Variants in FCHSD2 observed in about 807,000 individuals in gnomAD.
FCHSD2 encodes F-BAR and double SH3 domains protein 2.
Under a neutral mutation model 108.1 loss-of-function variants are expected in FCHSD2, and 38 were observed. That is an observed-to-expected ratio of 0.35 (90% CI 0.27 to 0.46). FCHSD2 has a LOEUF of 0.46. Ranked by LOEUF, FCHSD2 falls within the 20% of genes least tolerant of loss-of-function variation. The probability of loss-of-function intolerance (pLI) is 1.00; values close to 1 mark genes in which losing one functional copy is unlikely to be tolerated. For missense variants in FCHSD2, 751 were observed against 897.8 expected, an observed-to-expected ratio of 0.84 and a Z score of 2.09; for synonymous variants, 279 against 314.7, an observed-to-expected ratio of 0.89 and a Z score of 1.20.
At chr11:72,988,563 G>A (rs1439218643) in intron 6 of FCHSD2, among the ~76,000 whole-genome samples, 1 of 152,154 alleles carries the variant, frequency 6.6e-6, no homozygotes, top group African/African-American at 2.4e-5. Flanking sequence ...TGGACCTTCA[G>A]TGGCATCCTG....
chr11:72,902,766 G>A (rs1855552758), intron 9 of FCHSD2, 128 bp from the exon 10 acceptor site: 1 of 573,002 alleles, frequency 1.7e-6, no homozygotes, highest in East Asian at 3.0e-5. Context: ...TGGTAAAAAA[G>A]AAATGGTGTT....
chr11:73,116,469 A>G (rs1405766179), intron 2 of FCHSD2, among the ~76,000 whole-genome samples: 1 of 152,216 alleles, frequency 6.6e-6, no homozygotes, highest in Non-Finnish European at 1.5e-5. Flanking sequence ...CTGACTTGAT[A>G]AAACTTAATT....
At chr11:72,942,046 C>T (rs1177343721) in intron 8 of FCHSD2, among the ~76,000 whole-genome samples, 2 of 152,182 alleles carry the variant, frequency 1.3e-5, no homozygotes, top group Admixed American at 1.3e-4. Flanking sequence ...GTTTTGTCCC[C>T]TCAAAATCTC....
intron 14 of FCHSD2, among the ~76,000 whole-genome samples, chr11:72,845,465 C>G (rs1188102675): frequency 1.0e-5 from 1 of 98,922 alleles, no homozygotes; most frequent in African/African-American, 3.9e-5. Flanking sequence ...AAAAAAACAA[C>G]AACAAACAAA....
At chr11:73,085,111 T>C (rs1859785275) in intron 2 of FCHSD2, among the ~76,000 whole-genome samples, 1 of 152,222 alleles carries the variant, frequency 6.6e-6, no homozygotes, top group African/African-American at 2.4e-5. Context: ...TTTGAGTAAA[T>C]AATTTCTTAA....
intron 10 of FCHSD2, among the ~76,000 whole-genome samples, chr11:72,890,244 A>G (rs1222227172): frequency 6.6e-6 from 1 of 152,250 alleles, no homozygotes; most frequent in Non-Finnish European, 1.5e-5. Flanking sequence ...GTGGGAAGGA[A>G]GCTAGCTAAG....
intron 8 of FCHSD2, among the ~76,000 whole-genome samples, chr11:72,929,653 T>C (rs750485618): frequency 3.3e-5 from 5 of 152,190 alleles, no homozygotes; most frequent in Non-Finnish European, 4.4e-5. Flanking sequence ...TGTCTCAACA[T>C]GGTTTGTGAT....
intron 2 of FCHSD2, among the ~76,000 whole-genome samples, chr11:73,128,528 TA>T (rs370262297): frequency 5.3e-5 from 8 of 152,018 alleles, no homozygotes; most frequent in African/African-American, 1.9e-4. Context: ...TAATTTCTGG[TA>T]AAAAATTTCT....
Position 73,127,841 on chromosome 11 carries a change from CTTTGGGTTGGG to C in FCHSD2, c.119+12179_119+12189del, listed in dbSNP as rs560721700. ...AGTGGCTCAAGCTGTAATCCCAACACTTTGGGTTGGGGGGCGGGGGTGGGAATCACCTGAGG... is the reference window on the plus strand; with the variant it reads ...AGTGGCTCAAGCTGTAATCCCAACACGGGCGGGGGTGGGAATCACCTGAGG... On this transcript the variant is annotated intron_variant, in intron 2 of 19. Coordinates refer to ENST00000409418, the MANE Select transcript of FCHSD2 (RefSeq NM_014824.3). 2.8e-4 allele frequency among the ~76,000 whole-genome samples: 42 copies of C among 147,944 alleles called. No homozygotes were observed. In the South Asian group the frequency reaches 9.2e-3, roughly 32 times the overall value.
chr11:72,981,595 G>A (rs1462355093), intron 8 of FCHSD2, among the ~76,000 whole-genome samples: 2 of 152,164 alleles, frequency 1.3e-5, no homozygotes, highest in Admixed American at 1.3e-4. Flanking sequence ...CCTTAAGTGC[G>A]AGCTGTGCTA....
At chr11:73,101,551 C>A (rs1275129377) in intron 2 of FCHSD2, among the ~76,000 whole-genome samples, 2 of 152,072 alleles carry the variant, frequency 1.3e-5, no homozygotes, top group Non-Finnish European at 2.9e-5. Context: ...GATCCTCCCA[C>A]CTCAGCCTCC....
chr11:72,900,107 C>T, intron 10 of FCHSD2: 1 of 526,832 alleles, frequency 1.9e-6, no homozygotes, highest in Non-Finnish European at 3.3e-6. Flanking sequence ...GAAGGAAATT[C>T]TTAATTTATA....
At chr11:72,943,137 G>A (rs915641254) in intron 8 of FCHSD2, among the ~76,000 whole-genome samples, 1 of 152,016 alleles carries the variant, frequency 6.6e-6, no homozygotes, top group Non-Finnish European at 1.5e-5. Flanking sequence ...GATTACAGGC[G>A]CGTGCCACCA....
intron 1 of FCHSD2, among the ~76,000 whole-genome samples, chr11:73,140,486 C>G (rs746666197): frequency 6.6e-6 from 1 of 152,174 alleles, no homozygotes; most frequent in African/African-American, 2.4e-5. Context: ...AAGACATTAA[C>G]CACCAGGAGA....
intron 7 of FCHSD2, 60 bp from the exon 8 acceptor site, chr11:72,984,276 G>A (rs1857270859): frequency 2.0e-6 from 3 of 1,530,954 alleles, no homozygotes; most frequent in Middle Eastern, 3.4e-4. Context: ...AAAACACATA[G>A]GAATCCTACT....
intron 8 of FCHSD2, among the ~76,000 whole-genome samples, chr11:72,963,273 T>C (rs959505098): frequency 3.3e-5 from 5 of 152,204 alleles, no homozygotes; most frequent in Admixed American, 1.3e-4. Flanking sequence ...TGATGACTAC[T>C]TTTCCATTTA....
chr11:72,942,035 T>C (rs1856429814), intron 8 of FCHSD2, among the ~76,000 whole-genome samples: 1 of 152,226 alleles, frequency 6.6e-6, no homozygotes, highest in Non-Finnish European at 1.5e-5. Context: ...ACAGTTTGAA[T>C]GTTTTGTCCC....
At chr11:72,947,244 C>G (rs1033677631) in intron 8 of FCHSD2, among the ~76,000 whole-genome samples, 1 of 152,188 alleles carries the variant, frequency 6.6e-6, no homozygotes, top group Non-Finnish European at 1.5e-5. Context: ...ATTTAAACTT[C>G]CCCTGGGTAA....
chr11:73,019,545 T>C (rs143180594), intron 3 of FCHSD2, among the ~76,000 whole-genome samples: 1 of 152,278 alleles, frequency 6.6e-6, no homozygotes, highest in African/African-American at 2.4e-5. Flanking sequence ...CTAAACTGTA[T>C]TAAACTGAAT....
Sources: gnomAD v4.1 joint callset for allele counts (sites outside exome capture counted in the v4.1 genomes callset) on GRCh38, gnomAD v4.1.1 for gene constraint, MANE v1.5 for transcripts, NCBI Gene and HGNC (gene_info 2026-07-23, HGNC 2026-07-21) for gene names.